HS3ST4: variants seen among roughly 807,000 people sequenced by gnomAD.
HS3ST4 encodes the protein heparan sulfate-glucosamine 3-sulfotransferase 4, also known as heparan sulfate glucosamine 3-O-sulfotransferase 4.
HS3ST4 carries 17 observed loss-of-function variants against 29.2 expected under a neutral mutation model. That is an observed-to-expected ratio of 0.58 (90% CI 0.40 to 0.87). The LOEUF is 0.87. HS3ST4 is among the 40% of genes least tolerant of loss of function. The probability of loss-of-function intolerance (pLI) is 0.00; values close to 1 mark genes in which losing one functional copy is unlikely to be tolerated. For synonymous variants in HS3ST4, 314 were observed against 285.7 expected, an observed-to-expected ratio of 1.10 and a Z score of -1.00; for missense variants, 627 against 634.5, an observed-to-expected ratio of 0.99 and a Z score of 0.13.
intron 1 of HS3ST4, among the ~76,000 whole-genome samples, chr16:25,842,477 A>G (rs544150443): frequency 6.6e-6 from 1 of 152,284 alleles, no homozygotes; most frequent in Non-Finnish European, 1.5e-5. Context: ...TAGCCCACGG[A>G]CTGTGATGTT....
intron 1 of HS3ST4, among the ~76,000 whole-genome samples, chr16:25,762,533 A>G (rs1306209432): frequency 1.3e-5 from 2 of 152,050 alleles, no homozygotes; most frequent in Non-Finnish European, 2.9e-5. Flanking sequence ...AACTCCAGCA[A>G]AAGCCAGGGG....
intron 1 of HS3ST4, among the ~76,000 whole-genome samples, chr16:25,857,902 TC>T (rs372746763): frequency 0.12 from 8,649 of 73,520 alleles, 371 homozygotes; most frequent in Non-Finnish European, 0.14. Context: ...TTTTCTTTCT[TC>T]CTTCCTTCCT....
rs568949550 is a variant in HS3ST4 at position 25,944,090 on chromosome 16, A to T, written c.735-191522A>T. ...TCCCCTCTCTTGTCCCTAGTTGCTG[A>T]TCCACAGTGAAAGAGCCTCTTTTTC... is the stretch of plus-strand genomic sequence containing the variant. On this transcript the variant is annotated intron_variant, in intron 1 of 1. Coordinates refer to ENST00000331351, the MANE Select transcript of HS3ST4 (RefSeq NM_006040.3). Among the ~76,000 whole-genome samples the T allele has an allele frequency of 4.6e-5, 7 of 152,080 alleles. No individual in the cohort carries two copies. The East Asian group carries it at 9.7e-4, about 21-fold the overall frequency.
chr16:25,973,981 G>T (rs192432922), intron 1 of HS3ST4, among the ~76,000 whole-genome samples: 1 of 152,138 alleles, frequency 6.6e-6, no homozygotes, highest in East Asian at 1.9e-4. Context: ...ATGTCTGTAC[G>T]TCTGCATGAG....
chr16:26,012,605 C>T (rs1437480881), intron 1 of HS3ST4, among the ~76,000 whole-genome samples: 2 of 152,170 alleles, frequency 1.3e-5, no homozygotes, highest in African/African-American at 4.8e-5. Flanking sequence ...GCTGAAGACA[C>T]ATGAGACAGT....
At chr16:25,829,596 G>A (rs113853669) in intron 1 of HS3ST4, among the ~76,000 whole-genome samples, 22,251 of 151,748 alleles carry the variant, frequency 0.15, 1,792 homozygotes, top group Non-Finnish European at 0.17. Flanking sequence ...AACAGGCCCC[G>A]GTGTGTGATG....
intron 1 of HS3ST4, among the ~76,000 whole-genome samples, chr16:25,822,222 A>G (rs1029119832): frequency 6.6e-6 from 1 of 152,176 alleles, no homozygotes; most frequent in African/African-American, 2.4e-5. Flanking sequence ...TGGGAATTCC[A>G]AGATCAAGGT....
In HS3ST4 at chr16:26,093,363, G is replaced by A. The variant is rs530319377; in HGVS notation, c.735-42249G>A. 6.5e-3 allele frequency among the ~76,000 whole-genome samples: 989 copies of A among 152,236 alleles called. 4 individuals are homozygous for A. Among genetic ancestry groups the A allele is most frequent in the Non-Finnish European group, 0.01 (708 of 68,022 alleles). ...GGGCTGACAGACACCTCATACAGGC[G>A]GGTGCTCCTCTGGGACAAAGCTTCC... On this transcript the variant is annotated intron_variant, in intron 1 of 1. Coordinates refer to ENST00000331351, the MANE Select transcript of HS3ST4 (RefSeq NM_006040.3).
At position 25,884,004 on chromosome 16, in the gene HS3ST4, C is replaced by T. The variant is rs191590933; in HGVS notation, c.734+190853C>T. Reference sequence around the variant, plus strand: ...GGCAGGTGCCTATAATCCCAGCTACCTGGGAGGCTGAGGCGGGAGAATTGC... The same window carrying T: ...GGCAGGTGCCTATAATCCCAGCTACTTGGGAGGCTGAGGCGGGAGAATTGC... On this transcript the variant is annotated intron_variant, in intron 1 of 1. Transcript: ENST00000331351. Among the ~76,000 whole-genome samples the T allele has an allele frequency of 1.6e-4, 25 of 152,062 alleles. No homozygotes were observed. The East Asian group carries it at 2.3e-3, about 14-fold the overall frequency.
chr16:25,985,982 G>A (rs532718133), intron 1 of HS3ST4, among the ~76,000 whole-genome samples: 2 of 152,064 alleles, frequency 1.3e-5, no homozygotes, highest in African/African-American at 4.8e-5. Context: ...ACCATAACTG[G>A]CCCTTCCTTT....
chr16:25,746,088 A>C (rs938589064), intron 1 of HS3ST4, among the ~76,000 whole-genome samples: 1 of 152,102 alleles, frequency 6.6e-6, no homozygotes, highest in African/African-American at 2.4e-5. Flanking sequence ...CCATGGATTT[A>C]CCTGTTGATT....
chr16:25,794,686 T>C (rs1966877989), intron 1 of HS3ST4, among the ~76,000 whole-genome samples: 1 of 152,076 alleles, frequency 6.6e-6, no homozygotes, highest in South Asian at 2.1e-4. Flanking sequence ...GTTTGTTTCA[T>C]TTTCAGCAGT....
At chr16:25,723,233 C>G (rs141467170) in intron 1 of HS3ST4, among the ~76,000 whole-genome samples, 1 of 152,020 alleles carries the variant, frequency 6.6e-6, no homozygotes, top group Non-Finnish European at 1.5e-5. Context: ...AAAATAAACA[C>G]GATAAAGGAA....
chr16:25,785,270 C>T (rs73511298), intron 1 of HS3ST4, among the ~76,000 whole-genome samples: 14,990 of 152,196 alleles, frequency 0.098, 1,199 homozygotes, highest in African/African-American at 0.22. Flanking sequence ...CCTTTTGCAG[C>T]CCATGGATAG....
chr16:26,120,063 G>GTGTA (rs1239708017), intron 1 of HS3ST4, among the ~76,000 whole-genome samples: 17 of 130,518 alleles, frequency 1.3e-4, no homozygotes, highest in East Asian at 4.4e-4. Flanking sequence ...GTGTGTGTGT[G>GTGTA]TGTGTGTATG....
At chr16:25,999,760 TTA>T (rs1174752232) in intron 1 of HS3ST4, among the ~76,000 whole-genome samples, 2 of 141,054 alleles carry the variant, frequency 1.4e-5, no homozygotes, top group African/African-American at 5.2e-5. Context: ...TATGTATATT[TTA>T]TATATATATT....
intron 1 of HS3ST4, among the ~76,000 whole-genome samples, chr16:25,809,984 A>T (rs536500927): frequency 6.6e-6 from 1 of 151,750 alleles, no homozygotes; most frequent in East Asian, 1.9e-4. Context: ...ATTGATTGCT[A>T]CTCATTAGTG....
chr16:25,789,429 TC>T (rs767522077), intron 1 of HS3ST4, among the ~76,000 whole-genome samples: 10,829 of 85,856 alleles, frequency 0.13, 776 homozygotes, highest in Admixed American at 0.18. Flanking sequence ...CTTCCTTCCT[TC>T]CTTCCTTCCT....
intron 1 of HS3ST4, among the ~76,000 whole-genome samples, chr16:25,752,350 G>C (rs1337673384): frequency 6.6e-6 from 1 of 152,072 alleles, no homozygotes; most frequent in African/African-American, 2.4e-5. Flanking sequence ...ATGTGTACTT[G>C]GACAAGAAAG....
Sources: allele counts gnomAD v4.1 joint callset (sites outside exome capture counted in the v4.1 genomes callset), GRCh38; gene constraint gnomAD v4.1.1; transcripts MANE v1.5; gene names NCBI Gene and HGNC (gene_info 2026-07-23, HGNC 2026-07-21).